MAGI3: variants seen among roughly 807,000 people sequenced by gnomAD.
The protein encoded by MAGI3 is membrane-associated guanylate kinase, WW and PDZ domain-containing protein 3.
Under a neutral mutation model 121.8 loss-of-function variants are expected in MAGI3, and 43 were observed. That is an observed-to-expected ratio of 0.35 (90% confidence interval 0.28 to 0.46). MAGI3 has a LOEUF of 0.46. Among genes scored for constraint, MAGI3 ranks in the 20% least tolerant of loss-of-function variants. The pLI is 1.00. For missense variants in MAGI3, 1,547 were observed against 1,797.3 expected (o/e 0.86, Z 2.52); for synonymous variants, 553 against 639.3 (o/e 0.86, Z 2.04).
intron 1 of MAGI3, among the ~76,000 whole-genome samples, chr1:113,432,418 T>C (rs537113970): frequency 7.9e-5 from 12 of 152,322 alleles, no homozygotes; most frequent in Middle Eastern, 3.4e-3. Context: ...CCAGTGTCTA[T>C]GCTTTTAACC....
intron 2 of MAGI3, among the ~76,000 whole-genome samples, chr1:113,573,873 C>T (rs1010249435): frequency 6.6e-6 from 1 of 152,242 alleles, no homozygotes; most frequent in Admixed American, 6.5e-5. Flanking sequence ...AATCTGGGTG[C>T]TCCTGTATTG....
intron 1 of MAGI3, among the ~76,000 whole-genome samples, chr1:113,417,469 A>G (rs1435966076): frequency 6.6e-6 from 1 of 152,106 alleles, no homozygotes; most frequent in East Asian, 1.9e-4. Flanking sequence ...GCTGGAGTGC[A>G]GTGGTGACAT....
At chr1:113,635,436 G>C (rs1342466971) in intron 9 of MAGI3, among the ~76,000 whole-genome samples, 1 of 152,140 alleles carries the variant, frequency 6.6e-6, no homozygotes, top group Non-Finnish European at 1.5e-5. Context: ...TTAGCATGAA[G>C]CGTTGTTGAA....
At chr1:113,476,030 A>G (rs1326013762) in intron 1 of MAGI3, among the ~76,000 whole-genome samples, 1 of 152,138 alleles carries the variant, frequency 6.6e-6, no homozygotes, top group Non-Finnish European at 1.5e-5. Flanking sequence ...TGTTTGTAGT[A>G]TTCTCTGATG....
intron 7 of MAGI3, among the ~76,000 whole-genome samples, chr1:113,615,980 A>G (rs1342755025): frequency 6.6e-6 from 1 of 152,052 alleles, no homozygotes; most frequent in Non-Finnish European, 1.5e-5. Flanking sequence ...GGCTCTAATC[A>G]GCTATTTGCC....
intron 9 of MAGI3, among the ~76,000 whole-genome samples, chr1:113,632,976 A>C (rs987501167): frequency 2.6e-5 from 4 of 151,366 alleles, no homozygotes; most frequent in African/African-American, 9.7e-5. Flanking sequence ...ATATGTATAC[A>C]TGTGACATGC....
At chr1:113,392,238 G>T (rs145715894) in intron 1 of MAGI3, among the ~76,000 whole-genome samples, 4 of 152,308 alleles carry the variant, frequency 2.6e-5, no homozygotes, top group African/African-American at 9.6e-5. Context: ...TTTTGTTTCA[G>T]CATAGATAGA....
chr1:113,551,192 C>A lies in MAGI3; in HGVS notation c.433+1561C>A, dbSNP rs557557758. 2.6e-5 allele frequency among the ~76,000 whole-genome samples: 4 copies of A among 152,218 alleles called. No homozygotes were observed. The South Asian group carries it at 6.2e-4, about 24-fold the overall frequency. On this transcript the variant is annotated intron_variant, in intron 2 of 20. Transcript: ENST00000307546. ...AACTCTCTATATAGAATTAGAATAA[C>A]AAGACTTACCTCATATAGCTGTTAC...
At chr1:113,646,318 C>T (rs975203109) in intron 11 of MAGI3, among the ~76,000 whole-genome samples, 168 bp from the exon 12 acceptor site, 1 of 152,134 alleles carries the variant, frequency 6.6e-6, no homozygotes, top group East Asian at 1.9e-4. Flanking sequence ...CAACCAAATA[C>T]ACATTGCTAT....
rs532046817 is a variant in MAGI3 at position 113,446,391 on chromosome 1, A to G, written c.316+55042A>G. On this transcript the variant is annotated intron_variant, in intron 1 of 20. Coordinates refer to ENST00000307546, the MANE Select transcript of MAGI3 (RefSeq NM_001142782.2). ...AGAAAATAGCTATAGAATATACACA[A>G]AAGGAAATAAGGAAGGAATTTAAAC... 3.2e-4 allele frequency among the ~76,000 whole-genome samples: 48 copies of G among 152,350 alleles called. 3 individuals are homozygous for G. The South Asian group carries it at 9.7e-3, about 31-fold the overall frequency.
In MAGI3 at chr1:113,619,833, A is replaced by G. The variant is rs752860412; in HGVS notation, c.1171+3A>G. The G allele has an allele frequency of 8.1e-6, 13 of 1,595,942 alleles. No individual in the cohort carries two copies. Among genetic ancestry groups the G allele is most frequent in the South Asian group, 3.4e-5 (3 of 89,356 alleles). On this transcript the variant is annotated splice_donor_region_variant and intron_variant, in intron 8 of 20. Transcript: ENST00000307546. ...TGAAATTGGGTCTTCAAAACCAGGTAAGCATTCTTTTCAATCTTTTCTTCT... is the reference window on the plus strand; with the variant it reads ...TGAAATTGGGTCTTCAAAACCAGGTGAGCATTCTTTTCAATCTTTTCTTCT...
rs1653630186 is a variant in MAGI3, at chr1:113,658,965, T to C, written c.2630-115T>C. The C allele has an allele frequency of 6.8e-6, 6 of 884,932 alleles. No individual in the cohort carries two copies. The highest frequency in any genetic ancestry group is 4.7e-5 in the Admixed American group (2 of 42,622). 54.8% of individuals were successfully genotyped at this position (884,932 alleles called of 1,614,324 possible). On this transcript the variant is annotated intron_variant, in intron 15 of 20. Transcript: ENST00000307546. This position sits in a 1 kb window ranked among gnomAD's most constrained non-coding sequence, Gnocchi z 4.0. ...GATGACGTGTGGTACTTTTCTGTTA[T>C]GTTTTTAAATAATTTTCTTTGATGT...
chr1:113,474,037 A>G (rs1655677558), intron 1 of MAGI3, among the ~76,000 whole-genome samples: 1 of 152,026 alleles, frequency 6.6e-6, no homozygotes, highest in Non-Finnish European at 1.5e-5. Flanking sequence ...GCATTTTTTC[A>G]TGTGTCTGTT....
chr1:113,434,407 C>T (rs943979152), intron 1 of MAGI3, among the ~76,000 whole-genome samples: 1 of 152,036 alleles, frequency 6.6e-6, no homozygotes, highest in African/African-American at 2.4e-5. Flanking sequence ...TTATTTCCAC[C>T]ACCACCACCA....
At chr1:113,413,058 G>C (rs1403157432) in intron 1 of MAGI3, among the ~76,000 whole-genome samples, 1 of 152,098 alleles carries the variant, frequency 6.6e-6, no homozygotes, top group African/African-American at 2.4e-5. Context: ...TTTTGTATAA[G>C]GTGTAAGGAA....
chr1:113,656,049 G>A lies in MAGI3; in HGVS notation c.2629+2031G>A, dbSNP rs1653452907. Among the ~76,000 whole-genome samples, 3 of 152,206 alleles carry A rather than the reference G, an allele frequency of 2.0e-5. No individual in the cohort carries two copies. The South Asian group carries it at 6.2e-4, about 32-fold the overall frequency. On this transcript the variant is annotated intron_variant, in intron 15 of 20. Transcript: ENST00000307546. The stretch of plus-strand genomic sequence containing the variant: ...AGATTGAGGCAGCAGCTAACATGTG[G>A]CAGGAGATGAGTATTTGCAGCTCAT...
Position 113,462,507 on chromosome 1 carries a change from A to C in MAGI3, c.316+71158A>C, listed in dbSNP as rs1008871452. 2.0e-5 allele frequency among the ~76,000 whole-genome samples: 3 copies of C among 152,304 alleles called. No homozygotes were observed. In the South Asian group the frequency reaches 6.2e-4, roughly 32 times the overall value. ...CACACTTACAAGTGGGAGCTAAATG[A>C]TAAGAACCTACAAACGAAGAAAACA... On this transcript the variant is annotated intron_variant, in intron 1 of 20. Transcript: ENST00000307546.
In MAGI3 at chr1:113,580,626, A is replaced by G. The variant is rs201672550; in HGVS notation, c.518A>G (p.Glu173Gly). Residue 173 changes from glutamate to glycine, a missense_variant, in exon 3 of 21, where the codon GAG becomes GGG. Transcript: ENST00000307546. ...GTTGAACAGTTCAAAGCACTGGAAG[A>G]GAGTGGAGCATTGTTAGAAAGTGGG... is the stretch of plus-strand genomic sequence containing the variant. ...ISVEQFKALEESGALLESGTY... is the reference protein window; with the variant it reads ...ISVEQFKALEGSGALLESGTY... 7.5e-6 allele frequency: 12 copies of G among 1,610,534 alleles called. No individual in the cohort carries two copies. The East Asian group carries it at 2.7e-4, about 36-fold the overall frequency.
rs144412387 is a variant in MAGI3, at chr1:113,493,340, C to T, written c.317-56175C>T. 2.1e-4 allele frequency among the ~76,000 whole-genome samples: 32 copies of T among 152,186 alleles called. No homozygotes were observed. The East Asian group carries it at 3.3e-3, about 16-fold the overall frequency. On this transcript the variant is annotated intron_variant, in intron 1 of 20. Coordinates refer to ENST00000307546, the MANE Select transcript of MAGI3 (RefSeq NM_001142782.2). ...TGCTAGATAACTGACTAGAGATATGCGGAAAATTGAAACTGGATGCCTTCC... is the reference window on the plus strand; with the variant it reads ...TGCTAGATAACTGACTAGAGATATGTGGAAAATTGAAACTGGATGCCTTCC...
Sources: allele counts gnomAD v4.1 joint callset (sites outside exome capture counted in the v4.1 genomes callset), GRCh38; gene constraint gnomAD v4.1.1; non-coding constraint Gnocchi (gnomAD v3.1); transcripts MANE v1.5; gene names NCBI Gene and HGNC (gene_info 2026-07-23, HGNC 2026-07-21).